The following PREX1 variants were observed in gnomAD, a reference collection of about 807,000 sequenced individuals.
PREX1 encodes phosphatidylinositol-3,4,5-trisphosphate dependent Rac exchange factor 1.
A neutral mutation model predicts 198.3 loss-of-function variants in PREX1; 41 were observed. The observed-to-expected ratio is 0.21, with a 90% CI of 0.16 to 0.27. PREX1 has a LOEUF of 0.27. Ranked by LOEUF, PREX1 falls within the 10% of genes least tolerant of loss-of-function variation. The pLI, the probability that PREX1 is intolerant of heterozygous loss-of-function variation, is 1.00. For synonymous variants in PREX1, 843 were observed against 887.2 expected, an observed-to-expected ratio of 0.95 and a Z score of 0.89; for missense variants, 1,620 against 2,200.7, an observed-to-expected ratio of 0.74 and a Z score of 5.28.
rs1169736600 is a variant in PREX1, at chr20:48,649,533, G to T, written c.3072C>A (p.Thr1024=). The part of the protein sequence containing the change: ...PMSYTQHCIT[T]MAAPSWKCLP... ...AGCACTTCCAGGAGGGAGCAGCCAT[G>T]GTGGTGATGCAGTGCTGGGTGTACG... The change falls in exon 25 of 40, where the codon ACC becomes ACA. Residue 1024 remains threonine, a synonymous_variant. Coordinates refer to ENST00000371941, the MANE Select transcript of PREX1 (RefSeq NM_020820.4). The T allele has an allele frequency of 1.2e-6, 2 of 1,612,012 alleles. No individual in the cohort carries two copies. Among genetic ancestry groups the T allele is most frequent in the Non-Finnish European group, 1.7e-6 (2 of 1,178,962 alleles).
chr20:48,756,359 TGA>T (rs1472937200), intron 1 of PREX1, among the ~76,000 whole-genome samples: 1 of 152,204 alleles, frequency 6.6e-6, no homozygotes, highest in Admixed American at 6.5e-5. Context: ...CAGAACCAAC[TGA>T]GGCTTTCCCA....
intron 4 of PREX1, among the ~76,000 whole-genome samples, chr20:48,731,117 C>T (rs753740163): frequency 6.6e-6 from 1 of 152,196 alleles, no homozygotes; most frequent in African/African-American, 2.4e-5. Context: ...CCTCTTATGG[C>T]CTTCACTCTA....
intron 26 of PREX1, among the ~76,000 whole-genome samples, chr20:48,645,432 T>G (rs2089443832): frequency 6.6e-6 from 1 of 152,226 alleles, no homozygotes; most frequent in Non-Finnish European, 1.5e-5. Context: ...GTAGAAAATT[T>G]AGATCTTCTC....
chr20:48,816,469 G>C (rs2090459660), intron 1 of PREX1, among the ~76,000 whole-genome samples: 1 of 152,198 alleles, frequency 6.6e-6, no homozygotes, highest in African/African-American at 2.4e-5. Context: ...TCAGCTGACT[G>C]AGTGAGCCTG....
chr20:48,697,587 T>G (rs1318951966), intron 7 of PREX1, among the ~76,000 whole-genome samples: 2 of 152,056 alleles, frequency 1.3e-5, no homozygotes, highest in Non-Finnish European at 2.9e-5. Context: ...GGTTTCACTG[T>G]GTTAGCCAGG....
At chr20:48,639,179 C>T (rs1433994098) in intron 30 of PREX1, among the ~76,000 whole-genome samples, 1 of 152,244 alleles carries the variant, frequency 6.6e-6, no homozygotes, top group Non-Finnish European at 1.5e-5. Context: ...AACTGGAAAG[C>T]ACCTCGGCCC....
chr20:48,735,768 A>G (rs180783850), intron 3 of PREX1, among the ~76,000 whole-genome samples: 1 of 152,280 alleles, frequency 6.6e-6, no homozygotes, highest in Admixed American at 6.5e-5. Context: ...TTGCTTCCCC[A>G]GGGTCTCGCC....
the PREX1 span, among the ~76,000 whole-genome samples, chr20:48,868,630 A>T: frequency 5.9e-5 from 9 of 152,038 alleles, no homozygotes; most frequent in Admixed American, 3.3e-4. Context: ...TCTTTTCAAA[A>T]CTCAAAATTC....
the PREX1 span, among the ~76,000 whole-genome samples, chr20:48,854,444 C>G: frequency 6.6e-6 from 1 of 152,032 alleles, no homozygotes; most frequent in Non-Finnish European, 1.5e-5. Flanking sequence ...GCCTATAATC[C>G]CTGCTACTTG....
At chr20:48,650,298 C>T in intron 23 of PREX1, 92 bp from the exon 24 acceptor site, 1 of 1,254,582 alleles carries the variant, frequency 8.0e-7, no homozygotes. Flanking sequence ...CTGGCCTAGG[C>T]CAGATGCCCC....
At chr20:48,788,690 T>C (rs986138879) in intron 1 of PREX1, among the ~76,000 whole-genome samples, 3 of 152,180 alleles carry the variant, frequency 2.0e-5, no homozygotes, top group Admixed American at 2.0e-4. Context: ...CCACATTTCA[T>C]GTGTTGGAAA....
chr20:48,675,760 C>T (rs951950751), intron 14 of PREX1, among the ~76,000 whole-genome samples: 3 of 152,092 alleles, frequency 2.0e-5, no homozygotes, highest in African/African-American at 2.4e-5. Context: ...TCAAGATGGC[C>T]GGGCGTGGTG....
At chr20:48,654,481 G>A (rs901034772) in intron 19 of PREX1, among the ~76,000 whole-genome samples, 1 of 152,158 alleles carries the variant, frequency 6.6e-6, no homozygotes, top group Admixed American at 6.5e-5. Flanking sequence ...AGGATCCCTG[G>A]TCTACCCACT....
At chr20:48,671,501 T>C (rs1460672793) in intron 14 of PREX1, among the ~76,000 whole-genome samples, 1 of 152,244 alleles carries the variant, frequency 6.6e-6, no homozygotes, top group African/African-American at 2.4e-5. Context: ...TTTCCTGTTA[T>C]GTGCAGCCAA....
intron 11 of PREX1, among the ~76,000 whole-genome samples, chr20:48,680,858 C>T (rs1238861753): frequency 1.3e-5 from 2 of 150,874 alleles, no homozygotes; most frequent in Non-Finnish European, 2.9e-5. Context: ...TCCCCTCCAA[C>T]TACAAGGTCG....
rs570083514 is a variant in PREX1 at position 48,625,489 on chromosome 20, T to C, written c.*396A>G. 74 of 193,074 alleles carry C rather than the reference T, an allele frequency of 3.8e-4. No homozygotes were observed. Among genetic ancestry groups the C allele is most frequent in the African/African-American group, 1.7e-3 (70 of 42,368 alleles). The allele number at this position is 193,074 out of a possible 1,614,324, so 12.0% of individuals were successfully genotyped here. ...CGTGTGGTCACCTGGAATGTGGACG[T>C]TGAAGGAAACCGGGGTTTCAAAAGT... On this transcript the variant is annotated 3_prime_UTR_variant, in exon 40 of 40. Coordinates refer to ENST00000371941, the MANE Select transcript of PREX1 (RefSeq NM_020820.4).
chr20:48,767,804 C>T lies in PREX1; in HGVS notation c.220-19924G>A, dbSNP rs368031045. On this transcript the variant is annotated intron_variant, in intron 1 of 39. Transcript: ENST00000371941. The stretch of plus-strand genomic sequence containing the variant: ...TGCTGTTCCCCGCCCCTCATCGTCA[C>T]TGCACAGGATGCTCAAATATCACCT... Among the ~76,000 whole-genome samples, 8 of 152,274 alleles carry T rather than the reference C, an allele frequency of 5.3e-5. No individual in the cohort carries two copies. In the East Asian group the frequency reaches 1.2e-3, roughly 22 times the overall value.
intron 14 of PREX1, among the ~76,000 whole-genome samples, chr20:48,669,188 C>T (rs1287613152): frequency 6.6e-6 from 1 of 151,982 alleles, no homozygotes; most frequent in South Asian, 2.1e-4. Flanking sequence ...CTCTGCACAC[C>T]TCAAGGCCTT....
chr20:48,875,565 T>C, the PREX1 span, among the ~76,000 whole-genome samples: 2 of 152,118 alleles, frequency 1.3e-5, no homozygotes, highest in Admixed American at 1.3e-4. Context: ...GCGATCAGTA[T>C]TGTGTACGTT....
Sources: allele counts gnomAD v4.1 joint callset (sites outside exome capture counted in the v4.1 genomes callset), GRCh38; gene constraint gnomAD v4.1.1; transcripts MANE v1.5; gene names NCBI Gene and HGNC (gene_info 2026-07-23, HGNC 2026-07-21).